Variants in NPAS3 observed in about 807,000 individuals in gnomAD.
The protein encoded by NPAS3 is neuronal PAS domain-containing protein 3.
A neutral mutation model predicts 73.1 loss-of-function variants in NPAS3; 14 were observed. That is an observed-to-expected ratio of 0.19 (90% CI 0.13 to 0.30). The LOEUF is 0.30. Ranked by LOEUF, NPAS3 falls within the 10% of genes least tolerant of loss-of-function variation. The pLI is 1.00. For missense variants in NPAS3, 1,096 were observed against 1,250.0 expected, an observed-to-expected ratio of 0.88 and a Z score of 1.86; for synonymous variants, 620 against 541.5, an observed-to-expected ratio of 1.14 and a Z score of -2.01.
intron 1 of NPAS3, among the ~76,000 whole-genome samples, chr14:33,036,638 A>C (rs1423716124): frequency 6.6e-6 from 1 of 152,210 alleles, no homozygotes; most frequent in East Asian, 1.9e-4. Context: ...TGTGAAATAC[A>C]GCTCTCTGTC....
At chr14:33,677,753 C>T (rs1278546774) in intron 6 of NPAS3, among the ~76,000 whole-genome samples, 1 of 152,098 alleles carries the variant, frequency 6.6e-6, no homozygotes, top group Non-Finnish European at 1.5e-5. Context: ...TCAGTGAGCC[C>T]CACACATGAG....
chr14:33,673,314 T>C (rs2059664348), intron 5 of NPAS3, among the ~76,000 whole-genome samples: 1 of 152,224 alleles, frequency 6.6e-6, no homozygotes, highest in African/African-American at 2.4e-5. Flanking sequence ...GTATTCAGGT[T>C]CTTTTGTAAA....
intron 5 of NPAS3, among the ~76,000 whole-genome samples, chr14:33,590,421 A>AC (rs1481104621): frequency 2.6e-5 from 4 of 152,106 alleles, no homozygotes; most frequent in African/African-American, 9.7e-5. Flanking sequence ...TGACATGTGA[A>AC]CCACTTGCTT....
chr14:33,696,653 C>T (rs1034335151), intron 6 of NPAS3, among the ~76,000 whole-genome samples: 2 of 152,114 alleles, frequency 1.3e-5, no homozygotes, highest in Non-Finnish European at 2.9e-5. Flanking sequence ...TTAGATTATC[C>T]GATGAAATTC....
intron 4 of NPAS3, among the ~76,000 whole-genome samples, chr14:33,501,913 G>A (rs576916731): frequency 2.6e-4 from 39 of 152,002 alleles, no homozygotes; most frequent in East Asian, 7.8e-4. Flanking sequence ...ACATTTATAC[G>A]TTAAGATAAA....
chr14:33,401,936 A>G (rs1326060295), intron 4 of NPAS3, among the ~76,000 whole-genome samples: 1 of 152,110 alleles, frequency 6.6e-6, no homozygotes, highest in African/African-American at 2.4e-5. Flanking sequence ...ATTTCAAGTT[A>G]AAAATCACAG....
intron 4 of NPAS3, among the ~76,000 whole-genome samples, chr14:33,402,132 G>C (rs934666618): frequency 1.3e-5 from 2 of 151,818 alleles, no homozygotes; most frequent in East Asian, 3.9e-4. Flanking sequence ...TCCTTCTATG[G>C]GTCTGATTTA....
chr14:33,244,829 A>C (rs2048325250), intron 3 of NPAS3, among the ~76,000 whole-genome samples: 3 of 152,314 alleles, frequency 2.0e-5, no homozygotes, highest in African/African-American at 7.2e-5. Flanking sequence ...TGTCAACTTG[A>C]GTGGTCGTGC....
At chr14:33,301,461 T>C (rs1417476436) in intron 3 of NPAS3, among the ~76,000 whole-genome samples, 1 of 151,706 alleles carries the variant, frequency 6.6e-6, no homozygotes, top group Non-Finnish European at 1.5e-5. Context: ...AGAAAGTTTG[T>C]AAAACTCAAA....
chr14:33,189,997 A>ACT (rs1414224361), intron 2 of NPAS3, among the ~76,000 whole-genome samples: 1 of 151,946 alleles, frequency 6.6e-6, no homozygotes, highest in Non-Finnish European at 1.5e-5. Flanking sequence ...AGTTGATGCT[A>ACT]CTCTGCATTA....
At chr14:33,400,165 T>C (rs2047390087) in intron 4 of NPAS3, among the ~76,000 whole-genome samples, 1 of 152,184 alleles carries the variant, frequency 6.6e-6, no homozygotes, top group South Asian at 2.1e-4. Context: ...CCTTACATTT[T>C]TAAAGATGCT....
At chr14:33,147,725 T>TAAAAAA (rs72264623) in intron 2 of NPAS3, among the ~76,000 whole-genome samples, 116 of 91,626 alleles carry the variant, frequency 1.3e-3, no homozygotes, top group Middle Eastern at 5.2e-3. Flanking sequence ...TAAAGTAGAA[T>TAAAAAA]AAAAAATATA....
chr14:33,186,391 A>AT (rs927790716), intron 2 of NPAS3, among the ~76,000 whole-genome samples: 1 of 152,182 alleles, frequency 6.6e-6, no homozygotes, highest in Non-Finnish European at 1.5e-5. Context: ...CAACTTAAGT[A>AT]TTTTTTAAAG....
chr14:33,619,296 C>A (rs1383097597), intron 5 of NPAS3, among the ~76,000 whole-genome samples: 1 of 151,964 alleles, frequency 6.6e-6, no homozygotes, highest in African/African-American at 2.4e-5. Flanking sequence ...GGCCTATTAC[C>A]TTTGTCTATA....
chr14:33,351,170 A>G (rs1215887989), intron 3 of NPAS3, among the ~76,000 whole-genome samples: 1 of 152,220 alleles, frequency 6.6e-6, no homozygotes, highest in Non-Finnish European at 1.5e-5. Context: ...AGGTGTAAAC[A>G]CGGAAGATTG....
intron 2 of NPAS3, among the ~76,000 whole-genome samples, chr14:33,177,649 G>T (rs1298898478): frequency 6.6e-6 from 1 of 151,246 alleles, no homozygotes; most frequent in African/African-American, 2.5e-5. Flanking sequence ...TATAGTTTTA[G>T]CATTGATCCA....
intron 2 of NPAS3, among the ~76,000 whole-genome samples, chr14:33,163,107 C>T (rs752918884): frequency 2.0e-5 from 3 of 152,180 alleles, no homozygotes; most frequent in African/African-American, 7.2e-5. Flanking sequence ...CATCTCTGTA[C>T]CCCTCATTCA....
At chr14:33,309,863 G>A (rs2042927138) in intron 3 of NPAS3, among the ~76,000 whole-genome samples, 1 of 152,140 alleles carries the variant, frequency 6.6e-6, no homozygotes, top group Non-Finnish European at 1.5e-5. Flanking sequence ...ATGGAGGTGG[G>A]GGAAGTAGTT....
At chr14:33,638,499 C>G (rs997002999) in intron 5 of NPAS3, among the ~76,000 whole-genome samples, 1 of 152,186 alleles carries the variant, frequency 6.6e-6, no homozygotes, top group African/African-American at 2.4e-5. Context: ...AATAATAACA[C>G]CAGCTGTGTA....
Sources: gnomAD v4.1 joint callset for allele counts (sites outside exome capture counted in the v4.1 genomes callset) on GRCh38, gnomAD v4.1.1 for gene constraint, MANE v1.5 for transcripts, NCBI Gene and HGNC (gene_info 2026-07-23, HGNC 2026-07-21) for gene names.